FRAS1: variants seen among roughly 807,000 people sequenced by gnomAD.
FRAS1 encodes Fraser extracellular matrix complex subunit 1, also known as extracellular matrix organizing protein FRAS1.
A neutral mutation model predicts 435.2 loss-of-function variants in FRAS1; 290 were observed. The observed-to-expected ratio is 0.67, with a 90% CI of 0.61 to 0.73. The LOEUF is 0.73. Among genes scored for constraint, FRAS1 ranks in the 30% least tolerant of loss-of-function variants. The pLI, the probability that FRAS1 is intolerant of heterozygous loss-of-function variation, is 0.00. For missense variants in FRAS1, 4,860 were observed against 5,001.5 expected, an observed-to-expected ratio of 0.97 and a Z score of 0.85; for synonymous variants, 1,800 against 1,851.0, an observed-to-expected ratio of 0.97 and a Z score of 0.71.
chr4:78,132,997 C>G (rs1445440218), intron 2 of FRAS1, among the ~76,000 whole-genome samples: 1 of 152,194 alleles, frequency 6.6e-6, no homozygotes, highest in Non-Finnish European at 1.5e-5. Context: ...CAAACTTGAA[C>G]CCAGGAGGCG....
At chr4:78,410,570 G>A (rs1234572733) in intron 31 of FRAS1, among the ~76,000 whole-genome samples, 1 of 152,112 alleles carries the variant, frequency 6.6e-6, no homozygotes, top group East Asian at 1.9e-4. Flanking sequence ...ACTCCTGTGT[G>A]AAATTGCCTT....
At chr4:78,375,337 T>C (rs1731713769) in intron 25 of FRAS1, among the ~76,000 whole-genome samples, 1 of 152,242 alleles carries the variant, frequency 6.6e-6, no homozygotes, top group African/African-American at 2.4e-5. Flanking sequence ...CACTAGGTGC[T>C]ATTAATGTTC....
intron 2 of FRAS1, among the ~76,000 whole-genome samples, chr4:78,207,281 C>A (rs1246102207): frequency 1.3e-5 from 2 of 152,162 alleles, no homozygotes; most frequent in Non-Finnish European, 2.9e-5. Context: ...AAGAATGCAG[C>A]AGAAGTCAGG....
chr4:78,255,026 G>A (rs1186146549), intron 5 of FRAS1, among the ~76,000 whole-genome samples: 1 of 152,162 alleles, frequency 6.6e-6, no homozygotes. Flanking sequence ...CCAGCAGCAG[G>A]TGGGACCACA....
At chr4:78,334,534 C>T (rs506863) in intron 19 of FRAS1, among the ~76,000 whole-genome samples, 89,304 of 151,334 alleles carry the variant, frequency 0.59, 27,319 homozygotes, top group Non-Finnish European at 0.67. Context: ...CCACACCCAG[C>T]TAACTCCTCT....
chr4:78,274,466 C>T (rs943982667), intron 9 of FRAS1, among the ~76,000 whole-genome samples: 1 of 152,074 alleles, frequency 6.6e-6, no homozygotes, highest in African/African-American at 2.4e-5. Flanking sequence ...CTATAAATTT[C>T]CCTCTACACA....
intron 6 of FRAS1, among the ~76,000 whole-genome samples, chr4:78,260,910 G>C (rs1726064579): frequency 6.6e-6 from 1 of 151,950 alleles, no homozygotes; most frequent in Non-Finnish European, 1.5e-5. Context: ...ATATATTTTT[G>C]TCTGGAATAT....
intron 20 of FRAS1, among the ~76,000 whole-genome samples, chr4:78,355,615 C>A (rs1730821099): frequency 6.6e-6 from 1 of 152,116 alleles, no homozygotes; most frequent in Non-Finnish European, 1.5e-5. Flanking sequence ...ACAGATGGGG[C>A]TTTTTGGATG....
At chr4:78,113,447 G>C (rs1313107670) in intron 2 of FRAS1, among the ~76,000 whole-genome samples, 2 of 152,156 alleles carry the variant, frequency 1.3e-5, no homozygotes, top group African/African-American at 4.8e-5. Context: ...CCCACCAACA[G>C]TGTAAAAGTG....
intron 72 of FRAS1, 73 bp from the exon 73 acceptor site, chr4:78,539,221 C>T (rs3749486): frequency 0.038 from 55,501 of 1,458,830 alleles, 1,371 homozygotes; most frequent in South Asian, 0.083. Context: ...TTTTCTCCTC[C>T]CAGTCACTGC....
At chr4:78,122,363 A>G (rs1294945047) in intron 2 of FRAS1, among the ~76,000 whole-genome samples, 3 of 152,038 alleles carry the variant, frequency 2.0e-5, no homozygotes, top group Non-Finnish European at 4.4e-5. Context: ...CATTTTCTCA[A>G]TCTAGTCTAT....
chr4:78,253,237 G>A (rs1013540322), intron 5 of FRAS1, among the ~76,000 whole-genome samples: 5 of 152,052 alleles, frequency 3.3e-5, no homozygotes, highest in East Asian at 1.9e-4. Flanking sequence ...TATTCTACCC[G>A]ACCCCACAGG....
In FRAS1 at chr4:78,357,621, G is replaced by A. The variant is rs954395851; in HGVS notation, c.2423-5892G>A. Among the ~76,000 whole-genome samples, 20 of 152,214 alleles carry A rather than the reference G, an allele frequency of 1.3e-4. 1 individual carries two copies. The East Asian group carries it at 2.3e-3, about 18-fold the overall frequency. On this transcript the variant is annotated intron_variant, in intron 20 of 73. Transcript: ENST00000512123. ...CAATGCACATTAAAGAACTTTTTCG[G>A]CCGGGTGAGGTGGCTTATACCTGTA...
intron 70 of FRAS1, among the ~76,000 whole-genome samples, chr4:78,528,188 A>G (rs1367674738): frequency 6.6e-6 from 1 of 152,204 alleles, no homozygotes; most frequent in Non-Finnish European, 1.5e-5. Context: ...ACAGTGGAAA[A>G]GAGTAAATAT....
intron 38 of FRAS1, among the ~76,000 whole-genome samples, chr4:78,437,585 GA>G (rs1252791694): frequency 6.6e-6 from 1 of 152,174 alleles, no homozygotes; most frequent in Non-Finnish European, 1.5e-5. Context: ...ATAGAAATGA[GA>G]ACAGACTGAA....
intron 25 of FRAS1, among the ~76,000 whole-genome samples, chr4:78,375,429 G>T (rs900000318): frequency 3.9e-5 from 6 of 152,190 alleles, no homozygotes; most frequent in African/African-American, 1.4e-4. Flanking sequence ...GTTAGAGGAG[G>T]AAGCGTACCT....
At chr4:78,281,463 A>T in intron 11 of FRAS1, 30 bp downstream of exon 11, 1 of 1,455,116 alleles carries the variant, frequency 6.9e-7, no homozygotes, top group Non-Finnish European at 9.3e-7. Context: ...TTGCACGTAG[A>T]TCATTATAAA....
intron 1 of FRAS1, among the ~76,000 whole-genome samples, chr4:78,064,361 C>G (rs1739894643): frequency 1.3e-5 from 2 of 151,278 alleles, no homozygotes; most frequent in African/African-American, 2.4e-5. Flanking sequence ...TGGCTAGAAA[C>G]TATTTTAAAG....
At chr4:78,508,324 G>GA (rs1246522961) in intron 62 of FRAS1, among the ~76,000 whole-genome samples, 1 of 152,126 alleles carries the variant, frequency 6.6e-6, no homozygotes, top group Non-Finnish European at 1.5e-5. Flanking sequence ...GGCCATGGAA[G>GA]AAATATACCA....
Sources: gnomAD v4.1 joint callset for allele counts (sites outside exome capture counted in the v4.1 genomes callset) on GRCh38, gnomAD v4.1.1 for gene constraint, MANE v1.5 for transcripts, NCBI Gene and HGNC (gene_info 2026-07-23, HGNC 2026-07-21) for gene names.